The following ASIC2 variants were observed in gnomAD, a reference collection of about 807,000 sequenced individuals.
The protein encoded by ASIC2 is acid-sensing ion channel 2.
A neutral mutation model predicts 57.3 loss-of-function variants in ASIC2; 25 were observed. That is an observed-to-expected ratio of 0.44 (90% confidence interval 0.32 to 0.61). The LOEUF (loss-of-function observed/expected upper bound fraction) is 0.61. Among genes scored for constraint, ASIC2 ranks in the 20% least tolerant of loss-of-function variants. The pLI is 0.06. For synonymous variants in ASIC2, 319 were observed against 307.5 expected (o/e 1.04, Z -0.39); for missense variants, 641 against 738.1 (o/e 0.87, Z 1.52).
chr17:33,259,948 A>G (rs760948666), intron 1 of ASIC2, among the ~76,000 whole-genome samples: 1 of 152,020 alleles, frequency 6.6e-6, no homozygotes, highest in South Asian at 2.1e-4. Context: ...TTCTGCTCCA[A>G]GTGACTTTGG....
chr17:33,841,206 A>G (rs1271242726), intron 1 of ASIC2, among the ~76,000 whole-genome samples: 2 of 152,224 alleles, frequency 1.3e-5, no homozygotes, highest in African/African-American at 4.8e-5. Context: ...AGATAACTAG[A>G]AATACAAAGA....
intron 1 of ASIC2, among the ~76,000 whole-genome samples, chr17:33,124,509 A>G (rs1445635508): frequency 6.6e-6 from 1 of 152,226 alleles, no homozygotes; most frequent in East Asian, 1.9e-4. Flanking sequence ...GGAGTTGGCA[A>G]GTTAGATAAA....
intron 1 of ASIC2, among the ~76,000 whole-genome samples, chr17:33,116,712 T>C (rs1201274240): frequency 6.6e-6 from 1 of 152,192 alleles, no homozygotes; most frequent in Non-Finnish European, 1.5e-5. Flanking sequence ...GCACAGTGTG[T>C]TACTGTTTAG....
chr17:33,406,439 G>A (rs1910476551), intron 1 of ASIC2, among the ~76,000 whole-genome samples: 1 of 152,150 alleles, frequency 6.6e-6, no homozygotes, highest in African/African-American at 2.4e-5. Context: ...TTTCCTCAAG[G>A]TTCTGATTGC....
intron 1 of ASIC2, among the ~76,000 whole-genome samples, chr17:33,481,760 G>A (rs1913414007): frequency 6.6e-6 from 1 of 152,012 alleles, no homozygotes; most frequent in Non-Finnish European, 1.5e-5. Context: ...CCTTTTCCTT[G>A]GGCTAGAGTT....
chr17:34,156,185 C>G lies in ASIC2; in HGVS notation c.348G>C (p.Leu116=). Residue 116 remains leucine, a synonymous_variant, in exon 1 of 10, where the codon CTG becomes CTC. Coordinates refer to the ASIC2 transcript ENST00000359872. This position sits in a 1 kb window ranked among gnomAD's most constrained non-coding sequence, Gnocchi z 4.4. ...CCGGGATCTGCAGGTTGACATCCAG[C>G]AGGGCCAGCAGCTCCCCAGCATGGT... is the stretch of plus-strand genomic sequence containing the variant. 9 of 1,614,084 alleles carry G rather than the reference C, an allele frequency of 5.6e-6. No homozygotes were observed. The highest frequency in any genetic ancestry group is 6.8e-6 in the Non-Finnish European group (8 of 1,179,998).
At chr17:33,190,276 A>T (rs1004107461) in intron 1 of ASIC2, among the ~76,000 whole-genome samples, 2 of 152,212 alleles carry the variant, frequency 1.3e-5, no homozygotes, top group African/African-American at 2.4e-5. Context: ...AATTAAAATA[A>T]AAAACCATTT....
At chr17:33,156,679 C>A (rs2142035001) in intron 1 of ASIC2, among the ~76,000 whole-genome samples, 1 of 152,040 alleles carries the variant, frequency 6.6e-6, no homozygotes, top group South Asian at 2.1e-4. Flanking sequence ...TTGCTTGAAT[C>A]CAGGAGGCGG....
chr17:33,768,163 C>T (rs1045476246), intron 1 of ASIC2, among the ~76,000 whole-genome samples: 1 of 151,884 alleles, frequency 6.6e-6, no homozygotes, highest in Non-Finnish European at 1.5e-5. Context: ...CGCCTGCCAC[C>T]GCGCCCTGCT....
chr17:33,924,202 C>T (rs2141967080), intron 1 of ASIC2, among the ~76,000 whole-genome samples: 1 of 152,366 alleles, frequency 6.6e-6, no homozygotes, highest in African/African-American at 2.4e-5. Context: ...GGGAACCTCA[C>T]AATACCTGAC....
At chr17:33,053,831 T>C (rs2091987366) in intron 3 of ASIC2, among the ~76,000 whole-genome samples, 1 of 152,198 alleles carries the variant, frequency 6.6e-6, no homozygotes, top group South Asian at 2.1e-4. Flanking sequence ...TTTACCTTAA[T>C]AGTTTCACAA....
rs201587334 is a variant in ASIC2, at chr17:34,052,782, A to AT, written c.555+103195dup. On this transcript the variant is annotated intron_variant, in intron 1 of 9. Transcript: ENST00000359872. ...CAGATGCTTGCCATCATGCCCAGCT[A>AT]TTTTTTTTGTATTTTTAGTAGAGAT... Among the ~76,000 whole-genome samples the AT allele has an allele frequency of 6.5e-3, 989 of 151,404 alleles. 14 individuals carry two copies. The highest frequency in any genetic ancestry group is 0.022 in the African/African-American group (914 of 41,260).
chr17:33,168,475 C>T (rs1905388985), intron 1 of ASIC2, among the ~76,000 whole-genome samples: 1 of 152,042 alleles, frequency 6.6e-6, no homozygotes, highest in South Asian at 2.1e-4. Flanking sequence ...CTTAAATGGT[C>T]ATGATAAGAA....
intron 1 of ASIC2, among the ~76,000 whole-genome samples, chr17:33,519,581 C>T (rs1331746107): frequency 6.6e-6 from 1 of 152,198 alleles, no homozygotes; most frequent in Admixed American, 6.5e-5. Flanking sequence ...CCATGTTAAT[C>T]AGCGCACAAG....
intron 1 of ASIC2, among the ~76,000 whole-genome samples, chr17:33,461,155 A>G (rs1912620784): frequency 6.6e-6 from 1 of 152,224 alleles, no homozygotes; most frequent in Non-Finnish European, 1.5e-5. Context: ...GCTTTTCTAC[A>G]ATAGTCTCAA....
chr17:33,969,331 A>AAATG (rs1905159812), intron 1 of ASIC2, among the ~76,000 whole-genome samples: 1 of 152,194 alleles, frequency 6.6e-6, no homozygotes, highest in Non-Finnish European at 1.5e-5. Context: ...TGGGCTGACA[A>AAATG]AATGAATGAA....
At chr17:33,552,029 C>T (rs950538117) in intron 1 of ASIC2, among the ~76,000 whole-genome samples, 3 of 152,144 alleles carry the variant, frequency 2.0e-5, no homozygotes, top group Admixed American at 6.5e-5. Flanking sequence ...TTCAGACAGT[C>T]GGGATGGGCT....
At chr17:34,154,206 C>T (rs535190188) in intron 1 of ASIC2, among the ~76,000 whole-genome samples, 4 of 152,286 alleles carry the variant, frequency 2.6e-5, no homozygotes, top group African/African-American at 4.8e-5. Context: ...GTGGTGAAGC[C>T]GAGCGTTGCC....
At chr17:33,583,311 T>A (rs532694206) in intron 1 of ASIC2, among the ~76,000 whole-genome samples, 2 of 123,696 alleles carry the variant, frequency 1.6e-5, no homozygotes, top group Admixed American at 1.5e-4. Flanking sequence ...TAATTATTGA[T>A]GAGATTGTCA....
Sources: allele counts gnomAD v4.1 joint callset (sites outside exome capture counted in the v4.1 genomes callset), GRCh38; gene constraint gnomAD v4.1.1; non-coding constraint Gnocchi (gnomAD v3.1); transcripts MANE v1.5; gene names NCBI Gene and HGNC (gene_info 2026-07-23, HGNC 2026-07-21).